PKIG: variants seen among roughly 807,000 people sequenced by gnomAD.
PKIG encodes protein kinase (cAMP-dependent, catalytic) inhibitor gamma.
PKIG carries 1 observed loss-of-function variant against 6.8 expected under a neutral mutation model. The observed-to-expected ratio is 0.15, with a 90% confidence interval of 0.05 to 0.69. The LOEUF (loss-of-function observed/expected upper bound fraction) is 0.69, where lower values mean the gene tolerates loss of function less well. Ranked by LOEUF, PKIG falls within the 30% of genes least tolerant of loss-of-function variation. The probability of loss-of-function intolerance (pLI) is 0.82; values close to 1 mark genes in which losing one functional copy is unlikely to be tolerated. For synonymous variants in PKIG, 39 were observed against 43.0 expected (o/e 0.91, Z 0.36); for missense variants, 77 against 104.0 (o/e 0.74, Z 1.13).
chr20:44,567,150 A>G (rs2064817086), intron 1 of PKIG, among the ~76,000 whole-genome samples: 1 of 152,266 alleles, frequency 6.6e-6, no homozygotes, highest in South Asian at 2.1e-4. Flanking sequence ...AACAGATCCT[A>G]GTGCTACCTA....
Position 44,618,566 on chromosome 20 carries a change from C to G in PKIG, c.*202C>G. On this transcript the variant is annotated 3_prime_UTR_variant, in exon 4 of 4. Coordinates refer to ENST00000372886, the MANE Select transcript of PKIG (RefSeq NM_001281445.2). The stretch of plus-strand genomic sequence containing the variant: ...ACACCCACAGGCTTCACATTCCCAC[C>G]ACCTTCGCACCGTGCCCAGGTACAC... 1 of 535,456 alleles carries G rather than the reference C, an allele frequency of 1.9e-6. No individual in the cohort carries two copies. The highest frequency in any genetic ancestry group is 2.0e-5 in the South Asian group (1 of 49,846). 33.2% of individuals were successfully genotyped at this position (535,456 alleles called of 1,614,324 possible).
chr20:44,592,528 G>T (rs2065041606), intron 2 of PKIG, among the ~76,000 whole-genome samples: 1 of 152,204 alleles, frequency 6.6e-6, no homozygotes, highest in African/African-American at 2.4e-5. Flanking sequence ...TGGGCAAACT[G>T]CTTGGCAGCT....
At chr20:44,574,682 T>G (rs1481025447) in intron 1 of PKIG, among the ~76,000 whole-genome samples, 1 of 152,070 alleles carries the variant, frequency 6.6e-6, no homozygotes, top group African/African-American at 2.4e-5. Flanking sequence ...CAAGCAGTTC[T>G]CCTGTCTCAG....
At chr20:44,559,037 G>A (rs565173529) in intron 1 of PKIG, among the ~76,000 whole-genome samples, 7 of 152,230 alleles carry the variant, frequency 4.6e-5, no homozygotes, top group African/African-American at 7.2e-5. Flanking sequence ...GTATGTATAA[G>A]CACCTAAAGA....
At chr20:44,581,619 A>G (rs2064949046), upstream of PKIG, among the ~76,000 whole-genome samples, 1 of 152,194 alleles carries the variant, frequency 6.6e-6, no homozygotes, top group African/African-American at 2.4e-5. Context: ...AAGGACACTT[A>G]TAGCCTGTTA....
At chr20:44,602,358 C>T (rs1351259529) in intron 2 of PKIG, among the ~76,000 whole-genome samples, 1 of 152,228 alleles carries the variant, frequency 6.6e-6, no homozygotes, top group African/African-American at 2.4e-5. Context: ...GAACCCTCTC[C>T]TCTTCTCCCA....
intron 1 of PKIG, among the ~76,000 whole-genome samples, chr20:44,545,824 C>CAT (rs2064608765): frequency 2.0e-5 from 3 of 152,016 alleles, no homozygotes. Flanking sequence ...GTCTCCAAAA[C>CAT]ATATATATAC....
intron 1 of PKIG, among the ~76,000 whole-genome samples, chr20:44,556,513 C>T (rs2064714739): frequency 6.6e-6 from 1 of 152,094 alleles, no homozygotes; most frequent in Non-Finnish European, 1.5e-5. Context: ...CAAGCGTGTG[C>T]CACCATGCCT....
intron 1 of PKIG, among the ~76,000 whole-genome samples, chr20:44,549,999 C>T (rs1050185731): frequency 7.3e-5 from 11 of 151,620 alleles, no homozygotes; most frequent in South Asian, 2.1e-4. Context: ...AAATGGAATT[C>T]GGAGCTAATT....
chr20:44,614,757 C>T lies in PKIG; in HGVS notation c.151+50C>T, dbSNP rs749211350. 1.1e-5 allele frequency: 18 copies of T among 1,596,526 alleles called. No homozygotes were observed. The highest frequency in any genetic ancestry group is 4.0e-5 in the African/African-American group (3 of 74,580). On this transcript the variant is annotated intron_variant, in intron 3 of 3. Coordinates refer to ENST00000372886, the MANE Select transcript of PKIG (RefSeq NM_001281445.2). The surrounding 1 kb of genome is among the most constrained non-coding windows in gnomAD (Gnocchi z 4.6). ...CTACTGCATGCCAGAGGCCCTCTGC[C>T]GGGCCCCGGGCTAGCCTCCAAGTCC...
At chr20:44,617,722 C>A (rs1333201480) in intron 3 of PKIG, among the ~76,000 whole-genome samples, 1 of 152,118 alleles carries the variant, frequency 6.6e-6, no homozygotes, top group Non-Finnish European at 1.5e-5. Context: ...GCTCCCTGAG[C>A]TGGCCTGGTT....
rs2065242830 is a variant in PKIG at position 44,614,106 on chromosome 20, C to T, written c.-23-428C>T. Among the ~76,000 whole-genome samples, 1 of 152,154 alleles carries T rather than the reference C, an allele frequency of 6.6e-6. No homozygotes were observed. The highest frequency in any genetic ancestry group is 2.4e-5 in the African/African-American group (1 of 41,438). On this transcript the variant is annotated intron_variant, in intron 2 of 3. Coordinates refer to ENST00000372886, the MANE Select transcript of PKIG (RefSeq NM_001281445.2). The surrounding 1 kb of genome is among the most constrained non-coding windows in gnomAD (Gnocchi z 4.6). ...CTTGATCAGGTCCCAGTGATCACTC[C>T]AGCACCCTGCATTCTCCCTTGAAGC...
intron 1 of PKIG, among the ~76,000 whole-genome samples, chr20:44,569,198 C>T (rs1402360322): frequency 1.3e-5 from 2 of 152,132 alleles, no homozygotes; most frequent in Non-Finnish European, 2.9e-5. Context: ...CTCTGCAACA[C>T]TGAGAAATAT....
intron 2 of PKIG, among the ~76,000 whole-genome samples, chr20:44,605,241 T>C (rs2065153795): frequency 6.6e-6 from 1 of 151,730 alleles, no homozygotes; most frequent in African/African-American, 2.4e-5. Flanking sequence ...CCGTCTCTAC[T>C]GAACAAAATA....
intron 2 of PKIG, among the ~76,000 whole-genome samples, chr20:44,609,212 C>CA (rs1366524182): frequency 6.6e-6 from 1 of 152,132 alleles, no homozygotes; most frequent in East Asian, 1.9e-4. Context: ...CATGTTGGCC[C>CA]AGCTGATGTT....
intron 2 of PKIG, among the ~76,000 whole-genome samples, chr20:44,602,014 T>G (rs2065125292): frequency 6.6e-6 from 1 of 152,140 alleles, no homozygotes; most frequent in Non-Finnish European, 1.5e-5. Flanking sequence ...CACTGTAACC[T>G]CTGACCCCAG....
chr20:44,618,526 G>A lies in PKIG; in HGVS notation c.*162G>A. 2 of 598,076 alleles carry A rather than the reference G, an allele frequency of 3.3e-6. No homozygotes were observed. The highest frequency in any genetic ancestry group is 3.7e-5 in the South Asian group (2 of 53,682). 37.0% of individuals were successfully genotyped at this position (598,076 alleles called of 1,614,324 possible). ...GAGGCCTCTGTGGCCTCCACTCCGG[G>A]AAAGCCCTCTGCCCACACCCACAGG... On this transcript the variant is annotated 3_prime_UTR_variant, in exon 4 of 4. Coordinates refer to ENST00000372886, the MANE Select transcript of PKIG (RefSeq NM_001281445.2).
intron 2 of PKIG, among the ~76,000 whole-genome samples, chr20:44,600,026 A>C (rs944197321): frequency 1.3e-5 from 2 of 152,204 alleles, no homozygotes; most frequent in African/African-American, 4.8e-5. Flanking sequence ...CAGGTCCTAG[A>C]GCAAGAACAT....
At chr20:44,543,329 T>G (rs78495983) in intron 1 of PKIG, among the ~76,000 whole-genome samples, 2 of 152,082 alleles carry the variant, frequency 1.3e-5, no homozygotes, top group South Asian at 2.1e-4. Flanking sequence ...TTTTTTTTTT[T>G]GCAAAAACCT....
Sources: gnomAD v4.1 joint callset for allele counts (sites outside exome capture counted in the v4.1 genomes callset) on GRCh38, gnomAD v4.1.1 for gene constraint, Gnocchi (gnomAD v3.1) non-coding constraint, MANE v1.5 for transcripts, NCBI Gene and HGNC (gene_info 2026-07-23, HGNC 2026-07-21) for gene names.